Variants in PKNOX2 observed in about 807,000 individuals in gnomAD.
PKNOX2 encodes the protein homeobox protein PKNOX2.
A neutral mutation model predicts 53.1 loss-of-function variants in PKNOX2; 14 were observed. That is an observed-to-expected ratio of 0.26 (90% CI 0.17 to 0.41). PKNOX2 has a LOEUF of 0.41. PKNOX2 is among the 10% of genes least tolerant of loss of function. The probability of loss-of-function intolerance (pLI) is 1.00; values close to 1 mark genes in which losing one functional copy is unlikely to be tolerated. For synonymous variants in PKNOX2, 257 were observed against 242.8 expected (o/e 1.06, Z -0.54); for missense variants, 496 against 602.8 (o/e 0.82, Z 1.85).
intron 2 of PKNOX2, among the ~76,000 whole-genome samples, chr11:125,298,036 A>G (rs146397129): frequency 6.6e-6 from 1 of 152,338 alleles, no homozygotes; most frequent in East Asian, 1.9e-4. Flanking sequence ...AGCCTGTGCC[A>G]GAGAGGAAAA....
chr11:125,207,970 CTGAATGGAATTCTGTAA>C (rs1565469502), intron 1 of PKNOX2, among the ~76,000 whole-genome samples: 1 of 152,058 alleles, frequency 6.6e-6, no homozygotes, highest in African/African-American at 2.4e-5. Flanking sequence ...TTAAAATGCA[CTGAATGGAATTCTGTAA>C]TGAATGTGTC....
At chr11:125,202,630 A>G (rs1009511798) in intron 1 of PKNOX2, among the ~76,000 whole-genome samples, 4 of 151,854 alleles carry the variant, frequency 2.6e-5, no homozygotes, top group African/African-American at 4.8e-5. Context: ...GATGTCTGGC[A>G]TCCTCCATCC....
chr11:125,403,117 A>G (rs1238672437), intron 7 of PKNOX2, among the ~76,000 whole-genome samples: 1 of 152,076 alleles, frequency 6.6e-6, no homozygotes, highest in African/African-American at 2.4e-5. Flanking sequence ...TAGAGAGGAG[A>G]TGGGGTGAAG....
chr11:125,192,529 C>T (rs545066542), intron 1 of PKNOX2, among the ~76,000 whole-genome samples: 135 of 152,242 alleles, frequency 8.9e-4, no homozygotes, highest in Non-Finnish European at 1.5e-3. Flanking sequence ...AAGGTGGAGA[C>T]CTACAAAAGT....
chr11:125,176,011 T>G (rs558726866), intron 1 of PKNOX2, among the ~76,000 whole-genome samples: 3 of 152,286 alleles, frequency 2.0e-5, no homozygotes, highest in Non-Finnish European at 4.4e-5. Flanking sequence ...ACTCACAGCG[T>G]GATGACAGCC....
intron 7 of PKNOX2, among the ~76,000 whole-genome samples, chr11:125,403,497 C>G (rs1393540657): frequency 6.6e-6 from 1 of 152,162 alleles, no homozygotes; most frequent in Non-Finnish European, 1.5e-5. Flanking sequence ...CACAGATTAT[C>G]TAATTTACTC....
intron 2 of PKNOX2, among the ~76,000 whole-genome samples, chr11:125,246,940 T>A (rs2135643342): frequency 6.6e-6 from 1 of 152,310 alleles, no homozygotes; most frequent in South Asian, 2.1e-4. Flanking sequence ...CATCTCAGCA[T>A]GTGACACTGC....
intron 2 of PKNOX2, among the ~76,000 whole-genome samples, chr11:125,256,905 G>A (rs1944445102): frequency 6.6e-6 from 1 of 152,068 alleles, no homozygotes; most frequent in Non-Finnish European, 1.5e-5. Flanking sequence ...TTGTGGCTTT[G>A]GTAGAATATT....
intron 10 of PKNOX2, among the ~76,000 whole-genome samples, chr11:125,415,920 C>G (rs1237347556): frequency 6.6e-6 from 1 of 152,186 alleles, no homozygotes; most frequent in African/African-American, 2.4e-5. Context: ...TCTTTTGATA[C>G]AGGACTAAGG....
intron 1 of PKNOX2, among the ~76,000 whole-genome samples, chr11:125,223,315 C>T (rs61912973): frequency 0.13 from 19,077 of 151,988 alleles, 1,413 homozygotes; most frequent in Middle Eastern, 0.17. Context: ...CTGCAACCTC[C>T]GCCTCCCTGG....
In PKNOX2 at chr11:125,209,409, G is replaced by A. The variant is rs112012794; in HGVS notation, c.-200-25636G>A. Reference sequence around the variant, plus strand: ...GGTACACACACATACACATGTGCGCGCACACACACTCACAATTGATGGGCA... The same window carrying A: ...GGTACACACACATACACATGTGCGCACACACACACTCACAATTGATGGGCA... On this transcript the variant is annotated intron_variant, in intron 1 of 12. Transcript: ENST00000298282. Among the ~76,000 whole-genome samples, 694 of 152,080 alleles carry A rather than the reference G, an allele frequency of 4.6e-3. 11 individuals carry two copies. Among genetic ancestry groups the A allele is most frequent in the African/African-American group, 0.016 (649 of 41,502 alleles).
rs946556102 is a variant in PKNOX2, at chr11:125,183,117, G to A, written c.-201+18341G>A. Among the ~76,000 whole-genome samples the A allele has an allele frequency of 3.3e-5, 5 of 151,988 alleles. No individual in the cohort carries two copies. The South Asian group carries it at 8.3e-4, about 25-fold the overall frequency. On this transcript the variant is annotated intron_variant, in intron 1 of 12. Coordinates refer to ENST00000298282, the MANE Select transcript of PKNOX2 (RefSeq NM_001382323.2). ...GGCTTTCCCAGCTCCTAGCCCAGGG[G>A]ACATCCTGGTTCAATAGGCTGGGGA...
intron 1 of PKNOX2, among the ~76,000 whole-genome samples, chr11:125,214,679 C>A (rs1479061183): frequency 6.6e-6 from 1 of 152,090 alleles, no homozygotes; most frequent in Non-Finnish European, 1.5e-5. Context: ...TCAGGCAATG[C>A]AGCCCCTGCC....
At chr11:125,246,045 C>T (rs562417080) in intron 2 of PKNOX2, among the ~76,000 whole-genome samples, 1 of 152,282 alleles carries the variant, frequency 6.6e-6, no homozygotes, top group African/African-American at 2.4e-5. Flanking sequence ...CTCACCAATT[C>T]CTGGGGTTCT....
At chr11:125,226,731 T>C (rs1175874437) in intron 1 of PKNOX2, among the ~76,000 whole-genome samples, 1 of 148,242 alleles carries the variant, frequency 6.7e-6, no homozygotes, top group African/African-American at 2.4e-5. Context: ...TCTCCTACAC[T>C]CCTAATTGGC....
At chr11:125,241,494 C>G (rs988189911) in intron 2 of PKNOX2, among the ~76,000 whole-genome samples, 1 of 152,196 alleles carries the variant, frequency 6.6e-6, no homozygotes, top group Non-Finnish European at 1.5e-5. Flanking sequence ...CCATTGAACC[C>G]CATTCTTCTT....
rs1220809547 is a variant in PKNOX2, at chr11:125,165,912, C to T, written c.-201+1136C>T. On this transcript the variant is annotated intron_variant, in intron 1 of 12. Coordinates refer to ENST00000298282, the MANE Select transcript of PKNOX2 (RefSeq NM_001382323.2). This position sits in a 1 kb window ranked among gnomAD's most constrained non-coding sequence, Gnocchi z 4.5. Reference sequence around the variant, plus strand: ...TTAGGAGACGGGCTTTCCTGGCTCCCGATCCCCAGGAAGAAACGAGCGAAA... The same window carrying T: ...TTAGGAGACGGGCTTTCCTGGCTCCTGATCCCCAGGAAGAAACGAGCGAAA... Among the ~76,000 whole-genome samples the T allele has an allele frequency of 1.3e-5, 2 of 152,142 alleles. No individual in the cohort carries two copies. The highest frequency in any genetic ancestry group is 2.4e-5 in the African/African-American group (1 of 41,406).
chr11:125,314,937 G>A (rs1399199046), intron 2 of PKNOX2, among the ~76,000 whole-genome samples: 2 of 152,172 alleles, frequency 1.3e-5, no homozygotes, highest in Non-Finnish European at 2.9e-5. Flanking sequence ...TGCAGCAGAA[G>A]CCCCAGGCAG....
chr11:125,414,922 A>G (rs1955790125), intron 10 of PKNOX2, among the ~76,000 whole-genome samples: 1 of 152,234 alleles, frequency 6.6e-6, no homozygotes, highest in African/African-American at 2.4e-5. Context: ...ATTTGTGAAT[A>G]TTAATCAGAG....
Sources: allele counts gnomAD v4.1 joint callset (sites outside exome capture counted in the v4.1 genomes callset), GRCh38; gene constraint gnomAD v4.1.1; non-coding constraint Gnocchi (gnomAD v3.1); transcripts MANE v1.5; gene names NCBI Gene and HGNC (gene_info 2026-07-23, HGNC 2026-07-21).